CARS1: variants seen among roughly 807,000 people sequenced by gnomAD.
CARS1 encodes the protein cysteinyl-tRNA synthetase 1, also known as cysteine--tRNA ligase, cytoplasmic.
A neutral mutation model predicts 106.2 loss-of-function variants in CARS1; 48 were observed. The observed-to-expected ratio is 0.45, with a 90% CI of 0.36 to 0.57. CARS1 has a LOEUF of 0.57. CARS1 is among the 20% of genes least tolerant of loss of function. CARS1 has a pLI of 0.00. For synonymous variants in CARS1, 409 were observed against 403.4 expected (o/e 1.01, Z -0.17); for missense variants, 968 against 1,057.2 (o/e 0.92, Z 1.17).
At chr11:3,026,906 G>A (rs1852141618) in intron 9 of CARS1, 109 bp from the exon 10 acceptor site, 14 of 1,258,382 alleles carry the variant, frequency 1.1e-5, no homozygotes, top group Non-Finnish European at 1.4e-5. Flanking sequence ...GAAATCTGTG[G>A]CCTATCTACT....
At position 3,015,769 on chromosome 11, in the gene CARS1, C is replaced by A. The variant is rs1479870970; in HGVS notation, c.1986+12G>T. 2.5e-6 allele frequency: 4 copies of A among 1,613,238 alleles called. No homozygotes were observed. The South Asian group carries it at 4.4e-5, about 18-fold the overall frequency. On this transcript the variant is annotated intron_variant, in intron 17 of 22. Coordinates refer to ENST00000380525, the MANE Select transcript of CARS1 (RefSeq NM_001014437.3). ...AGCAGGTGCAGAAGGCAGGACCCTG[C>A]ATGCTACTCACACTGAGGCTGGTTC...
Position 3,021,676 on chromosome 11 carries a change from T to A in CARS1, c.1154-1344A>T, listed in dbSNP as rs139786535. Among the ~76,000 whole-genome samples, 398 of 152,362 alleles carry A rather than the reference T, an allele frequency of 2.6e-3. 4 individuals are homozygous for A. The highest frequency in any genetic ancestry group is 9.2e-3 in the African/African-American group (381 of 41,588). Reference sequence around the variant, plus strand: ...TATCTTTTAACCTAGGAATTACTACTGTTACCATTTTGGTATACTGATTCC... The same window carrying A: ...TATCTTTTAACCTAGGAATTACTACAGTTACCATTTTGGTATACTGATTCC... On this transcript the variant is annotated intron_variant, in intron 10 of 22. Transcript: ENST00000380525. The surrounding 1 kb of genome is among the most constrained non-coding windows in gnomAD (Gnocchi z 5.3).
rs993840945 is a variant in CARS1 at position 3,046,622 on chromosome 11, C to A, written c.274+1131G>T. On this transcript the variant is annotated intron_variant, in intron 2 of 22. Transcript: ENST00000380525. The surrounding 1 kb of genome is among the most constrained non-coding windows in gnomAD (Gnocchi z 5.8). ...AGTGATCTAGCAGAGGCCTGACCCA[C>A]GGCAGAGGCGGGGGGGCATGTTCCC... Among the ~76,000 whole-genome samples the A allele has an allele frequency of 2.0e-5, 3 of 152,104 alleles. No individual in the cohort carries two copies. The highest frequency in any genetic ancestry group is 4.8e-5 in the African/African-American group (2 of 41,440).
chr11:3,016,282 G>A (rs563306320), intron 16 of CARS1, among the ~76,000 whole-genome samples: 265 of 150,870 alleles, frequency 1.8e-3, no homozygotes, highest in African/African-American at 6.3e-3. Flanking sequence ...GTGCAATGGC[G>A]CAATCTTGGC....
At chr11:3,016,959 G>A (rs1457494804) in intron 16 of CARS1, 147 bp downstream of exon 16, 3 of 625,798 alleles carry the variant, frequency 4.8e-6, no homozygotes, top group Admixed American at 3.0e-5. Context: ...GAACCAAAGA[G>A]GACAGAAGCA....
intron 20 of CARS1, among the ~76,000 whole-genome samples, chr11:3,002,909 T>A (rs12789474): frequency 6.6e-6 from 1 of 152,028 alleles, no homozygotes; most frequent in Non-Finnish European, 1.5e-5. Flanking sequence ...CATGAAGAAA[T>A]GGACCAGCAT....
At chr11:3,012,968 C>A (rs993708026) in intron 17 of CARS1, among the ~76,000 whole-genome samples, 7 of 148,832 alleles carry the variant, frequency 4.7e-5, no homozygotes, top group Admixed American at 3.4e-4. Flanking sequence ...CGGCTCACTG[C>A]AACCTCAGCC....
intron 1 of CARS1, among the ~76,000 whole-genome samples, chr11:3,054,612 G>A (rs1327418762): frequency 6.6e-6 from 1 of 152,334 alleles, no homozygotes; most frequent in South Asian, 2.1e-4. Context: ...ATTGAGTCAG[G>A]CTGCCCAGGT....
rs1481532954 is a variant in CARS1, at chr11:3,034,578, G to A, written c.801+3472C>T. On this transcript the variant is annotated intron_variant, in intron 7 of 22. Transcript: ENST00000380525. The surrounding 1 kb of genome is among the most constrained non-coding windows in gnomAD (Gnocchi z 6.3). Reference sequence around the variant, plus strand: ...CGGAGTCTTGCTTCGTCGCCAGGCTGCAGTGCAACAGCACGATCTCGGCTC... The same window carrying A: ...CGGAGTCTTGCTTCGTCGCCAGGCTACAGTGCAACAGCACGATCTCGGCTC... Among the ~76,000 whole-genome samples, 1 of 151,854 alleles carries A rather than the reference G, an allele frequency of 6.6e-6. No homozygotes were observed. Among genetic ancestry groups the A allele is most frequent in the African/African-American group, 2.4e-5 (1 of 41,294 alleles).
At chr11:3,055,158 C>T (rs192303569) in intron 1 of CARS1, 71 of 580,572 alleles carry the variant, frequency 1.2e-4, no homozygotes, top group Admixed American at 3.1e-4. Flanking sequence ...AAAGCATTTA[C>T]GATTGGATTT....
intron 1 of CARS1, chr11:3,055,150 A>G: frequency 1.7e-6 from 1 of 592,068 alleles, no homozygotes; most frequent in Non-Finnish European, 3.0e-6. Flanking sequence ...GGTCACTGAA[A>G]GCATTTACGA....
rs1287234594 is a variant in CARS1, at chr11:3,046,307, G to A, written c.274+1446C>T. ...GCCACTGCTGAGCTGGACGTACCAG[G>A]CCCGCTTCACCCTCCCTAATCCTGC... On this transcript the variant is annotated intron_variant, in intron 2 of 22. Transcript: ENST00000380525. This position sits in a 1 kb window ranked among gnomAD's most constrained non-coding sequence, Gnocchi z 5.8. Among the ~76,000 whole-genome samples, 1 of 152,166 alleles carries A rather than the reference G, an allele frequency of 6.6e-6. No homozygotes were observed. Among genetic ancestry groups the A allele is most frequent in the African/African-American group, 2.4e-5 (1 of 41,428 alleles).
chr11:3,029,325 T>C lies in CARS1; in HGVS notation c.920A>G (p.His307Arg), dbSNP rs756525599. The C allele has an allele frequency of 1.9e-6, 3 of 1,613,940 alleles. No individual in the cohort carries two copies. The highest frequency in any genetic ancestry group is 2.5e-6 in the Non-Finnish European group (3 of 1,179,954). The change falls in exon 8 of 23, where the codon CAC becomes CGC. Residue 307 changes from histidine to arginine, a missense_variant. His to Arg is a conservative substitution (Grantham distance 29, BLOSUM62 0). Coordinates refer to ENST00000380525, the MANE Select transcript of CARS1 (RefSeq NM_001014437.3). This position sits in a 1 kb window ranked among gnomAD's most constrained non-coding sequence, Gnocchi z 5.9. ...TACATTCAGAGCTTCCATGTCTCTG[T>C]GGAAGTCCCCCTCCCAGAACTTGGG... ...KLPKFWEGDF[H>R]RDMEALNVLP...
chr11:3,028,937 C>T lies in CARS1; in HGVS notation c.1031+59G>A. On this transcript the variant is annotated intron_variant, in intron 9 of 22. Coordinates refer to ENST00000380525, the MANE Select transcript of CARS1 (RefSeq NM_001014437.3). The surrounding 1 kb of genome is among the most constrained non-coding windows in gnomAD (Gnocchi z 4.4). Reference sequence around the variant, plus strand: ...CAAACTCAGGCTCAGAGCTGGGGAGCTCCTCCCTGTGCGATGTTCTGCAGC... The same window carrying T: ...CAAACTCAGGCTCAGAGCTGGGGAGTTCCTCCCTGTGCGATGTTCTGCAGC... 8.5e-7 allele frequency: 1 copy of T among 1,172,844 alleles called. No individual in the cohort carries two copies. Among genetic ancestry groups the T allele is most frequent in the Non-Finnish European group, 1.3e-6 (1 of 780,836 alleles). 72.7% of individuals were successfully genotyped at this position (1,172,844 alleles called of 1,614,324 possible).
In CARS1 at chr11:3,029,422, C is replaced by A. The variant is rs768051879; in HGVS notation, c.823G>T (p.Asp275Tyr). The A allele has an allele frequency of 6.2e-7, 1 of 1,614,006 alleles. No homozygotes were observed. The highest frequency in any genetic ancestry group is 1.1e-5 in the South Asian group (1 of 91,076). ...GAATCCAGCCAGTCAGAGAGCAAAT[C>A]CTTGGCTTCTTCCAGCAACACCTGA... ...CVEVLLEEAK[D>Y]LLSDWLDSTL... The change falls in exon 8 of 23, where the codon GAT becomes TAT. Residue 275 changes from aspartate to tyrosine, a missense_variant. By Grantham distance (160) the Asp-to-Tyr change is radical (BLOSUM62 -3). Coordinates refer to ENST00000380525, the MANE Select transcript of CARS1 (RefSeq NM_001014437.3). This position sits in a 1 kb window ranked among gnomAD's most constrained non-coding sequence, Gnocchi z 5.9.
At chr11:3,055,310 C>T (rs562000477) in intron 1 of CARS1, among the ~76,000 whole-genome samples, 7 of 152,346 alleles carry the variant, frequency 4.6e-5, no homozygotes, top group African/African-American at 1.7e-4. Context: ...CGCCACCGCG[C>T]CCGGCTAATT....
At chr11:3,005,467 G>A in intron 19 of CARS1, 34 bp from the exon 20 acceptor site, 1 of 1,568,396 alleles carries the variant, frequency 6.4e-7, no homozygotes, top group South Asian at 1.1e-5. Flanking sequence ...AAGAGTCTGG[G>A]CTCTGTGGGC....
intron 3 of CARS1, 111 bp downstream of exon 3, chr11:3,042,054 A>G: frequency 1.4e-6 from 1 of 723,596 alleles, no homozygotes; most frequent in Non-Finnish European, 2.3e-6. Context: ...ATGGAACTCC[A>G]GATCCCAACA....
rs1395691269 is a variant in CARS1 at position 3,041,452 on chromosome 11, G to C, written c.367-468C>G. ...GCCAGGGTCAGTCCCTGTTGGGGGAGCGCGGCTTGGAGGCCAGGACCCCTG... is the reference window on the plus strand; with the variant it reads ...GCCAGGGTCAGTCCCTGTTGGGGGACCGCGGCTTGGAGGCCAGGACCCCTG... On this transcript the variant is annotated intron_variant, in intron 3 of 22. Coordinates refer to ENST00000380525, the MANE Select transcript of CARS1 (RefSeq NM_001014437.3). The surrounding 1 kb of genome is among the most constrained non-coding windows in gnomAD (Gnocchi z 4.9). Among the ~76,000 whole-genome samples the C allele has an allele frequency of 6.6e-6, 1 of 152,134 alleles. No homozygotes were observed. Among genetic ancestry groups the C allele is most frequent in the African/African-American group, 2.4e-5 (1 of 41,434 alleles).
Sources: allele counts gnomAD v4.1 joint callset (sites outside exome capture counted in the v4.1 genomes callset), GRCh38; gene constraint gnomAD v4.1.1; non-coding constraint Gnocchi (gnomAD v3.1); transcripts MANE v1.5; gene names NCBI Gene and HGNC (gene_info 2026-07-23, HGNC 2026-07-21).